NACC1: variants seen among roughly 807,000 people sequenced by gnomAD.
NACC1 encodes the protein nucleus accumbens associated 1.
NACC1 carries 6 observed loss-of-function variants against 41.7 expected under a neutral mutation model. That is an observed-to-expected ratio of 0.14 (90% CI 0.08 to 0.28). The LOEUF (loss-of-function observed/expected upper bound fraction) is 0.28, where lower values mean the gene tolerates loss of function less well. Among genes scored for constraint, NACC1 ranks in the 10% least tolerant of loss-of-function variants. The pLI, the probability that NACC1 is intolerant of heterozygous loss-of-function variation, is 1.00. For synonymous variants in NACC1, 338 were observed against 330.6 expected, an observed-to-expected ratio of 1.02 and a Z score of -0.24; for missense variants, 434 against 763.7, an observed-to-expected ratio of 0.57 and a Z score of 5.09.
Position 13,136,459 on chromosome 19 carries a change from C to CCTGGG in NACC1, c.1120+66_1120+70dup, listed in dbSNP as rs1382320506. Reference sequence around the variant, plus strand: ...CCTCCGCAGCTTTGGAGCCGGCTGGCCTGGGCTGGGCTGGGCAGCTGGTTA... The same window carrying CCTGGG: ...CCTCCGCAGCTTTGGAGCCGGCTGGCCTGGGCTGGGCTGGGCTGGGCAGCTGGTTA... On this transcript the variant is annotated intron_variant, in intron 3 of 5. Coordinates refer to ENST00000292431, the MANE Select transcript of NACC1 (RefSeq NM_052876.4). The surrounding 1 kb of genome is among the most constrained non-coding windows in gnomAD (Gnocchi z 5.5). 7 of 1,559,908 alleles carry CCTGGG rather than the reference C, an allele frequency of 4.5e-6. No homozygotes were observed. Among genetic ancestry groups the CCTGGG allele is most frequent in the Non-Finnish European group, 6.1e-6 (7 of 1,153,910 alleles).
chr19:13,121,972 A>G (rs1312721999), intron 1 of NACC1, among the ~76,000 whole-genome samples: 3 of 152,040 alleles, frequency 2.0e-5, no homozygotes, highest in African/African-American at 7.2e-5. Context: ...AGCCACTTTC[A>G]TGTTCCTCGT....
intron 1 of NACC1, among the ~76,000 whole-genome samples, chr19:13,127,247 C>G (rs1053942387): frequency 2.1e-5 from 3 of 140,916 alleles, no homozygotes; most frequent in Non-Finnish European, 3.0e-5. Context: ...CCTATAATCG[C>G]AGGGTTTTGT....
chr19:13,128,482 G>A (rs1162319635), intron 1 of NACC1, among the ~76,000 whole-genome samples: 1 of 152,184 alleles, frequency 6.6e-6, no homozygotes, highest in African/African-American at 2.4e-5. Flanking sequence ...GGCACATTGG[G>A]GCTCAGAGTT....
upstream of NACC1, among the ~76,000 whole-genome samples, chr19:13,117,738 G>C (rs2019410057): frequency 6.6e-6 from 1 of 151,966 alleles, no homozygotes; most frequent in Admixed American, 6.6e-5. Context: ...ATTTTTAGTA[G>C]AGACAGAGTT....
intron 1 of NACC1, among the ~76,000 whole-genome samples, chr19:13,124,979 T>C (rs190271430): frequency 3.3e-5 from 5 of 152,154 alleles, no homozygotes; most frequent in Middle Eastern, 3.4e-3. Context: ...CCTGAGAACA[T>C]ATGTCTCTCG....
rs763887627 is a variant in NACC1 at position 13,138,111 on chromosome 19, C to G, written c.1325-36C>G. 5 of 1,603,448 alleles carry G rather than the reference C, an allele frequency of 3.1e-6. No individual in the cohort carries two copies. The highest frequency in any genetic ancestry group is 2.6e-6 in the Non-Finnish European group (3 of 1,173,226). ...AGTAGGCCTTGTGGGAGTCACCTGG[C>G]CCCCGTGCCAAGGCCGCACCCACCC... On this transcript the variant is annotated intron_variant, in intron 5 of 5. Coordinates refer to ENST00000292431, the MANE Select transcript of NACC1 (RefSeq NM_052876.4). The surrounding 1 kb of genome is among the most constrained non-coding windows in gnomAD (Gnocchi z 5.7).
intron 1 of NACC1, among the ~76,000 whole-genome samples, chr19:13,125,508 C>G (rs2019551313): frequency 6.6e-6 from 1 of 151,344 alleles, no homozygotes; most frequent in South Asian, 2.1e-4. Flanking sequence ...GCATCCTCCG[C>G]CTCCCAGGTT....
rs1440981894 is a variant in NACC1 at position 13,135,907 on chromosome 19, G to A, written c.700G>A (p.Ala234Thr). The change falls in exon 2 of 6, where the codon GCC becomes ACC. Residue 234 changes from alanine (A) to threonine (T), a missense_variant. By Grantham distance (58) the Ala-to-Thr change is moderately conservative. Coordinates refer to ENST00000292431, the MANE Select transcript of NACC1 (RefSeq NM_052876.4). ...QAPVVAAAQP[A>T]VAAGAGQPAG... is the part of the protein sequence containing the mutation. ...TCCGGTGGTGGCAGCAGCCCAGCCCGCCGTGGCTGCGGGAGCAGGGCAGCC... is the reference window on the plus strand; with the variant it reads ...TCCGGTGGTGGCAGCAGCCCAGCCCACCGTGGCTGCGGGAGCAGGGCAGCC... 20 of 1,566,078 alleles carry A rather than the reference G, an allele frequency of 1.3e-5. No homozygotes were observed. Among genetic ancestry groups the A allele is most frequent in the South Asian group, 3.5e-5 (3 of 86,122 alleles).
chr19:13,141,123 A>G lies in NACC1; in HGVS notation c.*2717A>G, dbSNP rs2019785688. 6.6e-6 allele frequency: 1 copy of G among 152,564 alleles called. No homozygotes were observed. The highest frequency in any genetic ancestry group is 2.1e-4 in the South Asian group (1 of 4,832). 9.5% of individuals were successfully genotyped at this position (152,564 alleles called of 1,614,324 possible). On this transcript the variant is annotated 3_prime_UTR_variant, in exon 6 of 6. Transcript: ENST00000292431. ...GAGAATATCAGTGATACTGATGAGA[A>G]TAAACTAAACGCCTTTGTAACAGCC... is the stretch of plus-strand genomic sequence containing the variant.
In NACC1 at chr19:13,136,916, C is replaced by T. The variant is rs2019715280; in HGVS notation, c.1121-355C>T. 6.6e-6 allele frequency among the ~76,000 whole-genome samples: 1 copy of T among 152,178 alleles called. No homozygotes were observed. Among genetic ancestry groups the T allele is most frequent in the African/African-American group, 2.4e-5 (1 of 41,432 alleles). ...TTGGGTCAGAGTGCCTAGGTGTGAG[C>T]CTCCACTCCCTGTTGGTCCTGCTGA... is the stretch of plus-strand genomic sequence containing the variant. On this transcript the variant is annotated intron_variant, in intron 3 of 5. Transcript: ENST00000292431. The surrounding 1 kb of genome is among the most constrained non-coding windows in gnomAD (Gnocchi z 5.5).
At chr19:13,121,966 A>G (rs1368169140) in intron 1 of NACC1, among the ~76,000 whole-genome samples, 1 of 152,082 alleles carries the variant, frequency 6.6e-6, no homozygotes, top group Admixed American at 6.5e-5. Context: ...CCTTCCAGCC[A>G]CTTTCATGTT....
Position 13,136,073 on chromosome 19 carries a change from G to C in NACC1, c.866G>C (p.Gly289Ala). Residue 289 changes from glycine (G) to alanine (A), a missense_variant, in exon 2 of 6, where the codon GGC becomes GCC. By Grantham distance (60) the Gly-to-Ala change is moderately conservative. Coordinates refer to ENST00000292431, the MANE Select transcript of NACC1 (RefSeq NM_052876.4). The surrounding 1 kb of genome is among the most constrained non-coding windows in gnomAD (Gnocchi z 5.5). ...GAGGAGGACGAGGAGGAGGATGGTG[G>C]CGAGGAGGGCATGGATGAGCAGTAC... ...HNEEDEEEDG[G>A]EEGMDEQYRQ... 1 of 1,614,132 alleles carries C rather than the reference G, an allele frequency of 6.2e-7. No homozygotes were observed. The highest frequency in any genetic ancestry group is 8.5e-7 in the Non-Finnish European group (1 of 1,180,022).
In NACC1 at chr19:13,136,053, G is replaced by A. The variant is rs760172169; in HGVS notation, c.846G>A (p.Glu282=). ...GCCCTGGCTCCTACCACAATGAGGA[G>A]GACGAGGAGGAGGATGGTGGCGAGG... ...SDSPGSYHNE[E]DEEEDGGEEG... is the part of the protein sequence containing the mutation. The change falls in exon 2 of 6, where the codon GAG becomes GAA. Residue 282 remains glutamate, a synonymous_variant. Coordinates refer to ENST00000292431, the MANE Select transcript of NACC1 (RefSeq NM_052876.4). This position sits in a 1 kb window ranked among gnomAD's most constrained non-coding sequence, Gnocchi z 5.5. 1 of 1,614,168 alleles carries A rather than the reference G, an allele frequency of 6.2e-7. No homozygotes were observed. The highest frequency in any genetic ancestry group is 8.5e-7 in the Non-Finnish European group (1 of 1,180,028).
At chr19:13,119,616 C>T (rs968119815) in intron 1 of NACC1, among the ~76,000 whole-genome samples, 2 of 152,210 alleles carry the variant, frequency 1.3e-5, no homozygotes, top group East Asian at 1.9e-4. Context: ...GCACCAACTC[C>T]TTGAGCCTGA....
intron 1 of NACC1, among the ~76,000 whole-genome samples, chr19:13,124,210 G>A (rs2019534673): frequency 6.6e-6 from 1 of 152,078 alleles, no homozygotes; most frequent in South Asian, 2.1e-4. Context: ...GACCAGCCTG[G>A]CCAACATGGA....
chr19:13,135,395 G>T lies in NACC1; in HGVS notation c.188G>T (p.Arg63Leu). The change falls in exon 2 of 6, where the codon CGC becomes CTC. Residue 63 changes from arginine (R) to leucine (L), a missense_variant. Coordinates refer to ENST00000292431, the MANE Select transcript of NACC1 (RefSeq NM_052876.4). The part of the protein sequence containing the change: ...SYFRDLFNNS[R>L]SAVVELPAAV... The stretch of plus-strand genomic sequence containing the variant: ...TTCCGGGACCTGTTCAACAACAGCC[G>T]CAGCGCCGTGGTGGAGCTGCCGGCG... The T allele has an allele frequency of 6.2e-7, 1 of 1,613,480 alleles. No individual in the cohort carries two copies. The highest frequency in any genetic ancestry group is 8.5e-7 in the Non-Finnish European group (1 of 1,179,930).
rs2019771209 is a variant in NACC1, at chr19:13,140,303, A to C, written c.*1897A>C. On this transcript the variant is annotated 3_prime_UTR_variant, in exon 6 of 6. Transcript: ENST00000292431. This position sits in a 1 kb window ranked among gnomAD's most constrained non-coding sequence, Gnocchi z 4.0. ...GCCACCCCACCCCAGCGTTTACCCC[A>C]AAGCACAATGCCCTGGTCACTTGGC... is the stretch of plus-strand genomic sequence containing the variant. The C allele has an allele frequency of 6.6e-6, 1 of 151,676 alleles. No homozygotes were observed. Among genetic ancestry groups the C allele is most frequent in the Non-Finnish European group, 1.5e-5 (1 of 67,842 alleles). The allele number at this position is 151,676 out of a possible 1,614,324, so 9.4% of individuals were successfully genotyped here.
At chr19:13,121,062 T>C (rs2019484960) in intron 1 of NACC1, among the ~76,000 whole-genome samples, 1 of 152,228 alleles carries the variant, frequency 6.6e-6, no homozygotes. Context: ...TAATTTCACA[T>C]ACTTCTGTGT....
Position 13,138,097 on chromosome 19 carries a change from T to G in NACC1, c.1325-50T>G. ...TAGGGGAGCTGGTGAGTAGGCCTTGTGGGAGTCACCTGGCCCCCGTGCCAA... is the reference window on the plus strand; with the variant it reads ...TAGGGGAGCTGGTGAGTAGGCCTTGGGGGAGTCACCTGGCCCCCGTGCCAA... On this transcript the variant is annotated intron_variant, in intron 5 of 5. Transcript: ENST00000292431. The surrounding 1 kb of genome is among the most constrained non-coding windows in gnomAD (Gnocchi z 5.7). 1 of 1,597,470 alleles carries G rather than the reference T, an allele frequency of 6.3e-7. No homozygotes were observed. Among genetic ancestry groups the G allele is most frequent in the Non-Finnish European group, 8.5e-7 (1 of 1,170,036 alleles).
Sources: gnomAD v4.1 joint callset for allele counts (sites outside exome capture counted in the v4.1 genomes callset) on GRCh38, gnomAD v4.1.1 for gene constraint, Gnocchi (gnomAD v3.1) non-coding constraint, MANE v1.5 for transcripts, NCBI Gene and HGNC (gene_info 2026-07-23, HGNC 2026-07-21) for gene names.